PRDM16: variants seen among roughly 807,000 people sequenced by gnomAD.
PRDM16 encodes PR/SET domain 16.
A neutral mutation model predicts 110.6 loss-of-function variants in PRDM16; 23 were observed. The observed-to-expected ratio is 0.21, with a 90% CI of 0.15 to 0.29. PRDM16 has a LOEUF of 0.29. Ranked by LOEUF, PRDM16 falls within the 10% of genes least tolerant of loss-of-function variation. PRDM16 has a pLI of 1.00. For missense variants in PRDM16, 1,615 were observed against 1,794.3 expected (o/e 0.90, Z 1.81); for synonymous variants, 799 against 781.8 (o/e 1.02, Z -0.37).
intron 3 of PRDM16, among the ~76,000 whole-genome samples, chr1:3,287,970 T>A (rs2455117): frequency 0.32 from 48,061 of 152,110 alleles, 10,285 homozygotes; most frequent in African/African-American, 0.61. Flanking sequence ...ACAGGGAGAG[T>A]GTAAACTGCT....
intron 1 of PRDM16, among the ~76,000 whole-genome samples, chr1:3,091,127 C>A (rs1642266325): frequency 6.6e-6 from 1 of 152,216 alleles, no homozygotes. Flanking sequence ...AATGGAAAGA[C>A]AGGAATGACC....
chr1:3,403,514 C>G (rs1569696546), intron 6 of PRDM16, among the ~76,000 whole-genome samples: 1 of 152,226 alleles, frequency 6.6e-6, no homozygotes, highest in Non-Finnish European at 1.5e-5. Flanking sequence ...GGGGTCACCC[C>G]TATCCCCAAG....
intron 1 of PRDM16, among the ~76,000 whole-genome samples, chr1:3,141,268 C>T (rs546522178): frequency 1.3e-5 from 2 of 152,324 alleles, no homozygotes; most frequent in Admixed American, 1.3e-4. Context: ...TTCTATGAAA[C>T]AATGTCATCA....
At chr1:3,374,750 C>T (rs1642964145) in intron 3 of PRDM16, among the ~76,000 whole-genome samples, 1 of 152,232 alleles carries the variant, frequency 6.6e-6, no homozygotes, top group Non-Finnish European at 1.5e-5. Context: ...AGGGCTGGTT[C>T]GTCCCTTCGG....
chr1:3,158,501 A>G (rs141677805), intron 1 of PRDM16, among the ~76,000 whole-genome samples: 1,568 of 152,302 alleles, frequency 0.01, 27 homozygotes, highest in Middle Eastern at 0.014. Context: ...TGATATTTCA[A>G]TATTTTTGCT....
rs541579138 is a variant in PRDM16 at position 3,426,139 on chromosome 1, C to T, written c.3198C>T (p.Asp1066=). 6.1e-5 allele frequency: 98 copies of T among 1,613,868 alleles called. No homozygotes were observed. The highest frequency in any genetic ancestry group is 1.6e-4 in the Middle Eastern group (1 of 6,062). ...TSESDNHALL[D]EKEDSYFSEI... is the part of the protein sequence containing the mutation. The stretch of plus-strand genomic sequence containing the variant: ...AGTCGGACAACCACGCACTTTTAGA[C>T]GAGAAAGAAGACTCTTATTTCTCGG... Residue 1066 remains aspartate (D), a synonymous_variant, in exon 14 of 17, where the codon GAC becomes GAT. Transcript: ENST00000270722.
intron 3 of PRDM16, among the ~76,000 whole-genome samples, chr1:3,369,064 G>A (rs6424073): frequency 0.4 from 61,156 of 152,064 alleles, 13,116 homozygotes; most frequent in East Asian, 0.66. Context: ...ATGTCTGAAC[G>A]TGGCTGGTGA....
At position 3,288,433 on chromosome 1, in the gene PRDM16, G is replaced by A. The variant is rs1038091778; in HGVS notation, c.438+44296G>A. On this transcript the variant is annotated intron_variant, in intron 3 of 16. Coordinates refer to ENST00000270722, the MANE Select transcript of PRDM16 (RefSeq NM_022114.4). ...CTATGTCCCACGGCTGGAAGGGAAC[G>A]CCCTCACCTTGAGGGCTCCAGCCTG... is the stretch of plus-strand genomic sequence containing the variant. Among the ~76,000 whole-genome samples the A allele has an allele frequency of 4.6e-5, 7 of 152,268 alleles. No homozygotes were observed. The East Asian group carries it at 9.7e-4, about 21-fold the overall frequency.
chr1:3,191,668 G>C (rs915442533), intron 2 of PRDM16, among the ~76,000 whole-genome samples: 2 of 152,238 alleles, frequency 1.3e-5, no homozygotes, highest in Admixed American at 1.3e-4. Flanking sequence ...GAATACTGAT[G>C]CTCTTCTGTT....
In PRDM16 at chr1:3,350,009, T is replaced by C. The variant is rs1642450947; in HGVS notation, c.439-35143T>C. On this transcript the variant is annotated intron_variant, in intron 3 of 16. Transcript: ENST00000270722. The surrounding 1 kb of genome is among the most constrained non-coding windows in gnomAD (Gnocchi z 7.1). ...GAGACAGCAGTCAGAGGCCTGGACC[T>C]GACTCCTGTCTTTGAGGGGGGAAGA... 6.6e-6 allele frequency among the ~76,000 whole-genome samples: 1 copy of C among 152,198 alleles called. No homozygotes were observed.
At chr1:3,331,875 G>T (rs1642048527) in intron 3 of PRDM16, among the ~76,000 whole-genome samples, 1 of 152,198 alleles carries the variant, frequency 6.6e-6, no homozygotes, top group South Asian at 2.1e-4. Context: ...AGCCCCGGGG[G>T]GCCTCAGGGA....
chr1:3,111,487 A>C (rs1179581448), intron 1 of PRDM16, among the ~76,000 whole-genome samples: 3 of 1,680 alleles, frequency 1.8e-3, no homozygotes, highest in Admixed American at 5.7e-3. Context: ...ACAGGCAAGG[A>C]GGCCTCGAAG....
At chr1:3,247,363 T>C (rs915974538) in intron 3 of PRDM16, among the ~76,000 whole-genome samples, 4 of 152,232 alleles carry the variant, frequency 2.6e-5, no homozygotes, top group Admixed American at 2.0e-4. Flanking sequence ...GTGAGGTTTC[T>C]GAAGAGGCTG....
chr1:3,332,114 A>G (rs1387286570), intron 3 of PRDM16, among the ~76,000 whole-genome samples: 8 of 152,234 alleles, frequency 5.3e-5, no homozygotes, highest in Non-Finnish European at 8.8e-5. Context: ...CCCTCCTGCC[A>G]TGGCCTTCAG....
intron 1 of PRDM16, among the ~76,000 whole-genome samples, chr1:3,158,347 A>G (rs1193833954): frequency 6.6e-6 from 1 of 152,248 alleles, no homozygotes; most frequent in African/African-American, 2.4e-5. Flanking sequence ...TTCTGCTGAA[A>G]ATGTACTGTG....
intron 3 of PRDM16, among the ~76,000 whole-genome samples, chr1:3,331,101 C>T (rs969272086): frequency 3.9e-5 from 6 of 152,246 alleles, no homozygotes; most frequent in African/African-American, 1.4e-4. Flanking sequence ...GCCGCCAGCC[C>T]ACTCAGCCCT....
chr1:3,386,641 A>G (rs1411854218), intron 4 of PRDM16: 1 of 152,252 alleles, frequency 6.6e-6, no homozygotes, highest in Non-Finnish European at 1.5e-5. Context: ...TAAACATAAG[A>G]GCAGAACTTA....
intron 3 of PRDM16, among the ~76,000 whole-genome samples, chr1:3,373,081 C>T (rs758119373): frequency 1.3e-5 from 2 of 152,182 alleles, no homozygotes; most frequent in Admixed American, 6.5e-5. Context: ...GCTTCCACCT[C>T]GTAAGGAGCA....
chr1:3,134,005 A>C (rs1643386057), intron 1 of PRDM16, among the ~76,000 whole-genome samples: 1 of 152,178 alleles, frequency 6.6e-6, no homozygotes, highest in Admixed American at 6.5e-5. Flanking sequence ...CCAAGACTGC[A>C]AAGCACTGGG....
Sources: allele counts gnomAD v4.1 joint callset (sites outside exome capture counted in the v4.1 genomes callset), GRCh38; gene constraint gnomAD v4.1.1; non-coding constraint Gnocchi (gnomAD v3.1); transcripts MANE v1.5; gene names NCBI Gene and HGNC (gene_info 2026-07-23, HGNC 2026-07-21).